GPC5: variants seen among roughly 807,000 people sequenced by gnomAD.
The protein encoded by GPC5 is glypican-5.
In GPC5, 47 loss-of-function variants were observed where a neutral mutation model predicts 53.9. That is an observed-to-expected ratio of 0.87 (90% CI 0.69 to 1.11). The LOEUF (loss-of-function observed/expected upper bound fraction) is 1.11, where lower values mean the gene tolerates loss of function less well. GPC5 is among the 50% of genes most tolerant of loss of function. The pLI is 0.00. For missense variants in GPC5, 748 were observed against 713.1 expected (o/e 1.05, Z -0.56); for synonymous variants, 286 against 263.3 (o/e 1.09, Z -0.84).
At chr13:92,652,371 A>C (rs980113892) in intron 7 of GPC5, among the ~76,000 whole-genome samples, 10 of 152,190 alleles carry the variant, frequency 6.6e-5, no homozygotes, top group African/African-American at 2.4e-4. Context: ...AAGAAAACAA[A>C]ACAAAAAAGC....
At chr13:92,830,176 A>T (rs1375851226) in intron 7 of GPC5, among the ~76,000 whole-genome samples, 2 of 152,100 alleles carry the variant, frequency 1.3e-5, no homozygotes, top group African/African-American at 2.4e-5. Context: ...CTATGTCATA[A>T]TTCCTATTTT....
intron 2 of GPC5, among the ~76,000 whole-genome samples, chr13:91,469,229 C>T (rs982328808): frequency 5.3e-5 from 8 of 152,044 alleles, no homozygotes; most frequent in African/African-American, 7.2e-5. Flanking sequence ...ATGCCTCAGC[C>T]TCCTGAGTAG....
At chr13:92,115,542 C>T (rs1422599624) in intron 6 of GPC5, among the ~76,000 whole-genome samples, 1 of 152,056 alleles carries the variant, frequency 6.6e-6, no homozygotes, top group Admixed American at 6.6e-5. Flanking sequence ...CTCATCCTAT[C>T]CCTTTCTAGT....
chr13:92,822,674 C>G (rs1315485937), intron 7 of GPC5, among the ~76,000 whole-genome samples: 1 of 152,050 alleles, frequency 6.6e-6, no homozygotes, highest in Non-Finnish European at 1.5e-5. Flanking sequence ...TCTGTTGTTT[C>G]CCAAGGCAAT....
chr13:92,363,347 C>G (rs1261077912), intron 7 of GPC5, among the ~76,000 whole-genome samples: 1 of 151,506 alleles, frequency 6.6e-6, no homozygotes, highest in East Asian at 1.9e-4. Flanking sequence ...ATTTTTGGCA[C>G]CAGGGACCGG....
At chr13:91,530,295 A>G (rs183366078) in intron 2 of GPC5, among the ~76,000 whole-genome samples, 28 of 152,314 alleles carry the variant, frequency 1.8e-4, no homozygotes, top group African/African-American at 6.0e-4. Flanking sequence ...AGCTTGCTGG[A>G]GGTCATCAGG....
intron 1 of GPC5, among the ~76,000 whole-genome samples, chr13:91,431,817 T>C (rs1342435224): frequency 6.6e-6 from 1 of 152,216 alleles, no homozygotes; most frequent in African/African-American, 2.4e-5. Context: ...CTGTTGTAGC[T>C]TGATAAATAA....
intron 2 of GPC5, among the ~76,000 whole-genome samples, chr13:91,588,237 AT>A (rs1473529604): frequency 6.6e-6 from 1 of 152,176 alleles, no homozygotes; most frequent in Admixed American, 6.5e-5. Context: ...TATGGTAAAT[AT>A]TCTTAGGCCT....
chr13:92,860,076 T>C (rs1041766086), intron 7 of GPC5, among the ~76,000 whole-genome samples: 2 of 152,192 alleles, frequency 1.3e-5, no homozygotes, highest in Admixed American at 6.5e-5. Flanking sequence ...AAATAAATTA[T>C]ACTATTTTAC....
At chr13:92,348,189 T>TA in intron 7 of GPC5, among the ~76,000 whole-genome samples, 1 of 150,878 alleles carries the variant, frequency 6.6e-6, no homozygotes, top group Admixed American at 6.7e-5. Flanking sequence ...ACTGAAAGGA[T>TA]AAAAAAGCCC....
intron 3 of GPC5, among the ~76,000 whole-genome samples, chr13:91,721,148 T>TG (rs2036464150): frequency 6.8e-6 from 1 of 146,392 alleles, no homozygotes; most frequent in African/African-American, 2.6e-5. Flanking sequence ...TTTTTTTGGG[T>TG]GGGGGGACTG....
intron 6 of GPC5, among the ~76,000 whole-genome samples, chr13:91,978,776 A>C (rs1594702350): frequency 6.6e-6 from 1 of 152,302 alleles, no homozygotes; most frequent in East Asian, 1.9e-4. Flanking sequence ...AGATTATCTG[A>C]TGGCTTTGTG....
intron 7 of GPC5, among the ~76,000 whole-genome samples, chr13:92,428,653 C>T (rs547872369): frequency 6.6e-6 from 1 of 152,188 alleles, no homozygotes; most frequent in Non-Finnish European, 1.5e-5. Flanking sequence ...CTCTAGTTTA[C>T]ATTATATTTT....
At chr13:92,722,898 A>G (rs1170308077) in intron 7 of GPC5, among the ~76,000 whole-genome samples, 1 of 151,854 alleles carries the variant, frequency 6.6e-6, no homozygotes, top group Non-Finnish European at 1.5e-5. Flanking sequence ...AAACTGTGAA[A>G]GTTACCACTC....
At chr13:91,703,185 G>T (rs2036030038) in intron 3 of GPC5, among the ~76,000 whole-genome samples, 1 of 151,870 alleles carries the variant, frequency 6.6e-6, no homozygotes, top group Non-Finnish European at 1.5e-5. Flanking sequence ...TTGCCTAATT[G>T]CTCTGGCAAG....
At chr13:91,602,992 A>C (rs1189054738) in intron 2 of GPC5, among the ~76,000 whole-genome samples, 4 of 152,228 alleles carry the variant, frequency 2.6e-5, no homozygotes. Flanking sequence ...ATGAGGAATG[A>C]GGACTTTCTC....
At chr13:92,760,208 G>C (rs553698953) in intron 7 of GPC5, among the ~76,000 whole-genome samples, 1 of 152,208 alleles carries the variant, frequency 6.6e-6, no homozygotes, top group East Asian at 1.9e-4. Flanking sequence ...AATTTGTTAG[G>C]AAGTATTTGC....
Position 92,250,154 on chromosome 13 carries a change from C to T in GPC5, c.1561+105165C>T, listed in dbSNP as rs140509185. 2.1e-3 allele frequency among the ~76,000 whole-genome samples: 319 copies of T among 151,878 alleles called. 1 individual carries two copies. The highest frequency in any genetic ancestry group is 7.5e-3 in the African/African-American group (309 of 41,454). On this transcript the variant is annotated intron_variant, in intron 7 of 7. Coordinates refer to ENST00000377067, the MANE Select transcript of GPC5 (RefSeq NM_004466.6). Reference sequence around the variant, plus strand: ...CTTTATAGCAATTCAATGATACATGCTCAGCCAAAAAAAAATTAAGAGAAG... The same window carrying T: ...CTTTATAGCAATTCAATGATACATGTTCAGCCAAAAAAAAATTAAGAGAAG...
chr13:92,477,136 C>A (rs185793050), intron 7 of GPC5, among the ~76,000 whole-genome samples: 1 of 151,876 alleles, frequency 6.6e-6, no homozygotes, highest in Non-Finnish European at 1.5e-5. Context: ...ATGAGCAAAT[C>A]CTATTGTGTG....
Sources: gnomAD v4.1 joint callset for allele counts (sites outside exome capture counted in the v4.1 genomes callset) on GRCh38, gnomAD v4.1.1 for gene constraint, MANE v1.5 for transcripts, NCBI Gene and HGNC (gene_info 2026-07-23, HGNC 2026-07-21) for gene names.